ERC1: variants seen among roughly 807,000 people sequenced by gnomAD.
The protein encoded by ERC1 is ELKS/RAB6-interacting/CAST family member 1.
In ERC1, 56 loss-of-function variants were observed where a neutral mutation model predicts 132.0. The ratio of observed to expected loss-of-function variants is 0.42; its 90% CI spans 0.34 to 0.53. The LOEUF is 0.53. ERC1 is among the 20% of genes least tolerant of loss of function. ERC1 has a pLI of 0.03. For missense variants in ERC1, 1,202 were observed against 1,349.9 expected (o/e 0.89, Z 1.72); for synonymous variants, 478 against 476.1 (o/e 1.00, Z -0.05).
At chr12:1,025,214 A>G (rs968294639) in intron 1 of ERC1, among the ~76,000 whole-genome samples, 1 of 152,140 alleles carries the variant, frequency 6.6e-6, no homozygotes, top group East Asian at 1.9e-4. Flanking sequence ...AAAAAAATTC[A>G]GGTGCTTTAT....
intron 18 of ERC1, among the ~76,000 whole-genome samples, chr12:1,460,975 T>TTA (rs1447880171): frequency 1.4e-5 from 2 of 141,662 alleles, no homozygotes; most frequent in Non-Finnish European, 3.1e-5. Flanking sequence ...TTTTTTTTTT[T>TTA]TTTTTTCATT....
chr12:1,399,288 C>G (rs2090819567), intron 16 of ERC1, among the ~76,000 whole-genome samples: 1 of 152,100 alleles, frequency 6.6e-6, no homozygotes, highest in Non-Finnish European at 1.5e-5. Flanking sequence ...GCATTATTTA[C>G]TTACATGGCT....
intron 1 of ERC1, among the ~76,000 whole-genome samples, chr12:1,001,921 C>T (rs2107641): frequency 0.097 from 13,414 of 138,858 alleles, 968 homozygotes; most frequent in African/African-American, 0.21. Context: ...AGTGCAGTGG[C>T]GCAATCTCTG....
rs1469958723 is a variant in ERC1, at chr12:1,022,474, C to G, written c.-156-5274C>G. 5.9e-5 allele frequency among the ~76,000 whole-genome samples: 9 copies of G among 152,108 alleles called. 1 individual carries two copies. The highest frequency in any genetic ancestry group is 5.9e-4 in the Admixed American group (9 of 15,262). ...CAGCTTATCAAGCTGATTTCACAAC[C>G]TACTATTGGGTCATAATTCTAAGTT... On this transcript the variant is annotated intron_variant, in intron 1 of 18. Transcript: ENST00000360905.
At chr12:1,037,563 A>C (rs995069001) in intron 2 of ERC1, among the ~76,000 whole-genome samples, 6 of 152,228 alleles carry the variant, frequency 3.9e-5, no homozygotes, top group Non-Finnish European at 5.9e-5. Context: ...TGGCTGAAGG[A>C]ACTCAAGAAG....
chr12:1,356,169 A>G (rs1056234585), intron 15 of ERC1, among the ~76,000 whole-genome samples: 1 of 146,460 alleles, frequency 6.8e-6, no homozygotes, highest in Non-Finnish European at 1.5e-5. Context: ...ACACCACTGC[A>G]CTCCTGCCTA....
chr12:1,049,602 C>T (rs1971586093), intron 2 of ERC1, among the ~76,000 whole-genome samples: 1 of 152,064 alleles, frequency 6.6e-6, no homozygotes, highest in African/African-American at 2.4e-5. Context: ...AATGTATTTG[C>T]CATCCTCAGT....
At chr12:1,076,917 A>G (rs777797238) in intron 2 of ERC1, among the ~76,000 whole-genome samples, 16 of 152,218 alleles carry the variant, frequency 1.1e-4, no homozygotes, top group Non-Finnish European at 1.9e-4. Flanking sequence ...GATCAGTCTT[A>G]GAAGTGCTAT....
chr12:1,192,634 A>C (rs1955849106), intron 12 of ERC1, among the ~76,000 whole-genome samples: 1 of 151,938 alleles, frequency 6.6e-6, no homozygotes, highest in African/African-American at 2.4e-5. Context: ...TGCAAATTGT[A>C]CCCTTCATGC....
At chr12:1,060,728 T>G (rs1937663274) in intron 2 of ERC1, among the ~76,000 whole-genome samples, 1 of 150,276 alleles carries the variant, frequency 6.7e-6, no homozygotes, top group African/African-American at 2.4e-5. Context: ...TGGGAAATTT[T>G]TTTTTTTTTT....
At chr12:1,442,748 G>A (rs965327691) in intron 17 of ERC1, among the ~76,000 whole-genome samples, 7 of 152,038 alleles carry the variant, frequency 4.6e-5, no homozygotes, top group Non-Finnish European at 8.8e-5. Context: ...CATAGTTTCG[G>A]TCATATATAA....
At chr12:1,460,343 GC>G (rs2093620326) in intron 18 of ERC1, among the ~76,000 whole-genome samples, 1 of 152,146 alleles carries the variant, frequency 6.6e-6, no homozygotes, top group Non-Finnish European at 1.5e-5. Context: ...AGCCTAAATA[GC>G]CAACCCCAAG....
chr12:1,209,790 G>A (rs769103571), intron 12 of ERC1, among the ~76,000 whole-genome samples: 2 of 152,180 alleles, frequency 1.3e-5, no homozygotes, highest in Admixed American at 1.3e-4. Context: ...ATTTTAGTGA[G>A]TTAACGTTTT....
intron 15 of ERC1, among the ~76,000 whole-genome samples, chr12:1,330,242 C>G (rs535244724): frequency 7.2e-5 from 11 of 152,318 alleles, no homozygotes; most frequent in African/African-American, 2.6e-4. Context: ...TTTCTGTCCC[C>G]CTTTCCACAT....
At chr12:1,103,542 C>G (rs1305251928) in intron 3 of ERC1, among the ~76,000 whole-genome samples, 1 of 152,160 alleles carries the variant, frequency 6.6e-6, no homozygotes, top group Non-Finnish European at 1.5e-5. Context: ...GTGGTTCATT[C>G]CAGGTGGTGG....
chr12:1,083,539 C>G lies in ERC1; in HGVS notation c.1045C>G (p.Leu349Val). The part of the protein sequence containing the change: ...AEMHVHHLES[L>V]LEQKEKENSM... ...GATGCACGTTCATCACCTAGAAAGC[C>G]TTTTGGAGCAGAAGGAAAAAGAGAA... Residue 349 changes from leucine (L) to valine (V), a missense_variant, in exon 3 of 19, where the codon CTT (leucine) becomes GTT (valine). Physicochemically the swap from Leu to Val is conservative, Grantham distance 32 (BLOSUM62 1). Transcript: ENST00000360905. The G allele has an allele frequency of 2.5e-6, 4 of 1,609,750 alleles. No homozygotes were observed. Among genetic ancestry groups the G allele is most frequent in the Non-Finnish European group, 3.4e-6 (4 of 1,178,914 alleles).
At chr12:1,262,883 T>C (rs2077231545) in intron 13 of ERC1, 151 bp from the exon 14 acceptor site, 6 of 697,358 alleles carry the variant, frequency 8.6e-6, no homozygotes. Context: ...CCTTGCTTTC[T>C]TTATTGTGTC....
intron 13 of ERC1, among the ~76,000 whole-genome samples, chr12:1,245,805 C>A (rs1349725284): frequency 2.6e-5 from 4 of 152,186 alleles, no homozygotes; most frequent in Non-Finnish European, 5.9e-5. Context: ...TGGTGCCACT[C>A]AGTTGTATCC....
intron 14 of ERC1, among the ~76,000 whole-genome samples, chr12:1,265,857 GTTC>G (rs2077446229): frequency 6.6e-6 from 1 of 152,122 alleles, no homozygotes; most frequent in Non-Finnish European, 1.5e-5. Flanking sequence ...TGCATTTAAG[GTTC>G]TTCTTTTTGT....
Sources: allele counts gnomAD v4.1 joint callset (sites outside exome capture counted in the v4.1 genomes callset), GRCh38; gene constraint gnomAD v4.1.1; transcripts MANE v1.5; gene names NCBI Gene and HGNC (gene_info 2026-07-23, HGNC 2026-07-21).